ARMC1: variants seen among roughly 807,000 people sequenced by gnomAD.
ARMC1 encodes armadillo repeat-containing protein 1.
In ARMC1, 16 loss-of-function variants were observed where a neutral mutation model predicts 31.4. That is an observed-to-expected ratio of 0.51 (90% CI 0.34 to 0.77). The LOEUF (loss-of-function observed/expected upper bound fraction) is 0.77. ARMC1 is among the 30% of genes least tolerant of loss of function. The pLI is 0.01. For synonymous variants in ARMC1, 114 were observed against 118.9 expected (o/e 0.96, Z 0.27); for missense variants, 259 against 347.5 (o/e 0.75, Z 2.02).
intron 3 of ARMC1, among the ~76,000 whole-genome samples, chr8:65,614,116 AG>A (rs1193853373): frequency 6.6e-6 from 1 of 152,248 alleles, no homozygotes; most frequent in Non-Finnish European, 1.5e-5. Context: ...AAAATCCAAA[AG>A]GAGAAACCAA....
At chr8:65,624,590 CAT>C (rs1159188903) in intron 2 of ARMC1, among the ~76,000 whole-genome samples, 1 of 147,300 alleles carries the variant, frequency 6.8e-6, no homozygotes. Flanking sequence ...GGTTTTTAAA[CAT>C]ATGTAGAAGT....
intron 3 of ARMC1, among the ~76,000 whole-genome samples, chr8:65,621,861 TAGTTCCAC>T (rs1162425251): frequency 1.3e-5 from 2 of 152,206 alleles, no homozygotes; most frequent in African/African-American, 4.8e-5. Context: ...TCTTATTTTA[TAGTTCCAC>T]AGTTTTACCA....
chr8:65,631,251 G>A (rs187299721), intron 1 of ARMC1, among the ~76,000 whole-genome samples: 3 of 152,108 alleles, frequency 2.0e-5, no homozygotes, highest in Admixed American at 6.6e-5. Flanking sequence ...AATTTTTGGG[G>A]GGGAACAGGG....
At chr8:65,614,875 T>TA (rs1391845031) in intron 3 of ARMC1, among the ~76,000 whole-genome samples, 1 of 152,226 alleles carries the variant, frequency 6.6e-6, no homozygotes, top group Non-Finnish European at 1.5e-5. Context: ...ATAATGCCTC[T>TA]ACCTAATAAC....
chr8:65,624,943 A>G (rs1170807247), intron 2 of ARMC1, among the ~76,000 whole-genome samples: 1 of 152,168 alleles, frequency 6.6e-6, no homozygotes, highest in Non-Finnish European at 1.5e-5. Context: ...CAACATGGTG[A>G]AAAACCGTCT....
chr8:65,621,348 G>GT (rs1808390003), intron 3 of ARMC1, among the ~76,000 whole-genome samples: 1 of 152,076 alleles, frequency 6.6e-6, no homozygotes, highest in Non-Finnish European at 1.5e-5. Flanking sequence ...CAAAGTGGGG[G>GT]TATGCATGCT....
intron 4 of ARMC1, among the ~76,000 whole-genome samples, chr8:65,610,958 GAGTTGTGCT>G (rs1429027402): frequency 6.6e-6 from 1 of 151,046 alleles, no homozygotes; most frequent in Non-Finnish European, 1.5e-5. Context: ...TTTTGAGATG[GAGTTGTGCT>G]CTGTCACCCA....
intron 1 of ARMC1, among the ~76,000 whole-genome samples, chr8:65,630,643 A>ACTC (rs1808622851): frequency 6.6e-6 from 1 of 152,066 alleles, no homozygotes; most frequent in African/African-American, 2.4e-5. Context: ...GCATGGTGAA[A>ACTC]CTCCGTCTCT....
chr8:65,612,953 T>G (rs1011249489), intron 4 of ARMC1, among the ~76,000 whole-genome samples: 1 of 152,236 alleles, frequency 6.6e-6, no homozygotes, highest in African/African-American at 2.4e-5. Flanking sequence ...CTTACTGATT[T>G]TCTGTATGCT....
rs927494612 is a variant in ARMC1, at chr8:65,603,473, T to C, written c.*921A>G. ...ACTCTATACCAAACTGGCATTATGG[T>C]ATTATAGGCATTTGATTTTTGTTTT... On this transcript the variant is annotated 3_prime_UTR_variant, in exon 7 of 7. Coordinates refer to ENST00000276569, the MANE Select transcript of ARMC1 (RefSeq NM_018120.6). The C allele has an allele frequency of 3.3e-5, 5 of 152,222 alleles. No individual in the cohort carries two copies. 9.4% of individuals were successfully genotyped at this position (152,222 alleles called of 1,614,324 possible). A position where few individuals can be genotyped will look rare whatever the true frequency, so the allele number is the denominator to read the frequency against.
At chr8:65,610,376 C>T (rs778283178) in intron 4 of ARMC1, among the ~76,000 whole-genome samples, 1 of 151,840 alleles carries the variant, frequency 6.6e-6, no homozygotes, top group Non-Finnish European at 1.5e-5. Context: ...GGATTATAGG[C>T]GTGACCCACT....
Position 65,627,556 on chromosome 8 carries a change from C to T in ARMC1, c.-35-123G>A, listed in dbSNP as rs1585720683. 1.7e-5 allele frequency: 9 copies of T among 522,736 alleles called. No homozygotes were observed. In the East Asian group the frequency reaches 3.1e-4, roughly 18 times the overall value. 32.4% of individuals were successfully genotyped at this position (522,736 alleles called of 1,614,324 possible). A position where few individuals can be genotyped will look rare whatever the true frequency, so the allele number is the denominator to read the frequency against. The stretch of plus-strand genomic sequence containing the variant: ...TAACTAAAACTAAATCACATAAAAA[C>T]TTAGAAATCGGCAACTCTACAGTTT... On this transcript the variant is annotated intron_variant, in intron 1 of 6. Coordinates refer to ENST00000276569, the MANE Select transcript of ARMC1 (RefSeq NM_018120.6).
Position 65,613,422 on chromosome 8 carries a change from G to A in ARMC1, c.287C>T (p.Pro96Leu). Residue 96 changes from proline to leucine, a missense_variant, in exon 4 of 7, where the codon CCA becomes CTA. Around this residue, in one of 3 missense-constraint regions of ARMC1, gnomAD observed 163 missense variants for 186.7 expected, o/e 0.87. Transcript: ENST00000276569. ...LQNVIQKTTT[P>L]GETKLLASEI... ...AGAGGCCAGAAGTTTTGTTTCTCCT[G>A]GAGTTGTAGTTCTTGAAAAGAAACA... 6.3e-7 allele frequency: 1 copy of A among 1,581,810 alleles called. No individual in the cohort carries two copies. Among genetic ancestry groups the A allele is most frequent in the Admixed American group, 1.9e-5 (1 of 52,606 alleles).
intron 4 of ARMC1, among the ~76,000 whole-genome samples, chr8:65,609,335 T>G (rs1239030068): frequency 6.6e-6 from 1 of 152,136 alleles, no homozygotes; most frequent in African/African-American, 2.4e-5. Flanking sequence ...AAAAAGAAAC[T>G]ATATTATTCT....
rs555946116 is a variant in ARMC1 at position 65,613,829 on chromosome 8, G to A, written c.276-396C>T. ...ACAAAAATTAGCTGGGTGTGGTGGC[G>A]CATGCCTGTAATCCCAGCTACTCAG... is the stretch of plus-strand genomic sequence containing the variant. On this transcript the variant is annotated intron_variant, in intron 3 of 6. Transcript: ENST00000276569. Among the ~76,000 whole-genome samples, 10 of 152,008 alleles carry A rather than the reference G, an allele frequency of 6.6e-5. 1 individual carries two copies. The South Asian group carries it at 1.0e-3, about 16-fold the overall frequency.
At chr8:65,615,731 A>T (rs1489133510) in intron 3 of ARMC1, among the ~76,000 whole-genome samples, 3 of 151,872 alleles carry the variant, frequency 2.0e-5, no homozygotes, top group Non-Finnish European at 4.4e-5. Flanking sequence ...AATAAATAAA[A>T]TAAAATAAAA....
chr8:65,617,718 G>A (rs913123019), intron 3 of ARMC1, among the ~76,000 whole-genome samples: 2 of 152,136 alleles, frequency 1.3e-5, no homozygotes, highest in Admixed American at 6.5e-5. Context: ...AAAACCAACT[G>A]TTGGGTACTA....
At chr8:65,622,455 T>C in intron 2 of ARMC1, 101 bp from the exon 3 acceptor site, 1 of 887,998 alleles carries the variant, frequency 1.1e-6, no homozygotes, top group Non-Finnish European at 1.7e-6. Flanking sequence ...AGAAAATAGG[T>C]TTTTGTTTTT....
rs1308419108 is a variant in ARMC1, at chr8:65,613,381, G to C, written c.328C>G (p.Leu110Val). Residue 110 changes from leucine (L) to valine (V), a missense_variant, in exon 4 of 7, where the codon CTT becomes GTT. Physicochemically the swap from Leu to Val is conservative, Grantham distance 32. Transcript: ENST00000276569. Reference sequence around the variant, plus strand: ...CCATCTGCCATATTGGAGGACTGAAGAATGTCATAGATTTCAGAGGCCAGA... The same window carrying C: ...CCATCTGCCATATTGGAGGACTGAACAATGTCATAGATTTCAGAGGCCAGA... ...KLLASEIYDILQSSNMADGDS... is the reference protein window; with the variant it reads ...KLLASEIYDIVQSSNMADGDS... 6.2e-7 allele frequency: 1 copy of C among 1,608,828 alleles called. No individual in the cohort carries two copies. Among genetic ancestry groups the C allele is most frequent in the Non-Finnish European group, 8.5e-7 (1 of 1,178,004 alleles).
Sources: allele counts gnomAD v4.1 joint callset (sites outside exome capture counted in the v4.1 genomes callset), GRCh38; gene constraint gnomAD v4.1.1; regional missense constraint gnomAD v4.1.1; transcripts MANE v1.5; gene names NCBI Gene and HGNC (gene_info 2026-07-23, HGNC 2026-07-21).